RELN: variants seen among roughly 807,000 people sequenced by gnomAD.
RELN encodes reelin.
In RELN, 108 loss-of-function variants were observed where a neutral mutation model predicts 427.6. The observed-to-expected ratio is 0.25, with a 90% CI of 0.22 to 0.30. The LOEUF is 0.30. RELN is among the 10% of genes least tolerant of loss of function. RELN has a pLI of 1.00. For synonymous variants in RELN, 1,524 were observed against 1,513.4 expected (o/e 1.01, Z -0.16); for missense variants, 3,715 against 4,302.8 (o/e 0.86, Z 3.82).
intron 2 of RELN, among the ~76,000 whole-genome samples, chr7:103,890,598 T>G (rs10226733): frequency 6.6e-6 from 1 of 151,886 alleles, no homozygotes; most frequent in Admixed American, 6.6e-5. Context: ...AAAATCATCT[T>G]CCAAGAAACT....
chr7:103,820,855 CACACACACACAT>C (rs1792996171), intron 3 of RELN, among the ~76,000 whole-genome samples: 1 of 151,814 alleles, frequency 6.6e-6, no homozygotes, highest in Non-Finnish European at 1.5e-5. Context: ...CTGATAATAG[CACACACACACAT>C]ACACACACAC....
intron 53 of RELN, among the ~76,000 whole-genome samples, chr7:103,500,525 A>C (rs1828991766): frequency 6.6e-6 from 1 of 152,206 alleles, no homozygotes; most frequent in African/African-American, 2.4e-5. Context: ...TAATCCATAT[A>C]GTCTGGCTCA....
At chr7:103,789,053 G>A (rs1393465611) in intron 3 of RELN, among the ~76,000 whole-genome samples, 1 of 152,120 alleles carries the variant, frequency 6.6e-6, no homozygotes, top group East Asian at 1.9e-4. Flanking sequence ...ACAACCATCT[G>A]ATCTTTGACA....
chr7:103,558,154 T>C, intron 36 of RELN, 105 bp from the exon 37 acceptor site: 2 of 673,960 alleles, frequency 3.0e-6, no homozygotes, highest in African/African-American at 1.8e-5. Context: ...TAAATACATA[T>C]CATGATCAAG....
At chr7:103,555,605 G>A (rs897160379) in intron 38 of RELN, among the ~76,000 whole-genome samples, 2 of 152,084 alleles carry the variant, frequency 1.3e-5, no homozygotes, top group African/African-American at 2.4e-5. Context: ...CCAAGTAGCT[G>A]GGATTACAGG....
chr7:103,989,279 C>G lies in RELN; in HGVS notation c.78G>C (p.Ala26=), dbSNP rs1196068638. 10 of 1,613,260 alleles carry G rather than the reference C, an allele frequency of 6.2e-6. No homozygotes were observed. The highest frequency in any genetic ancestry group is 6.8e-6 in the Non-Finnish European group (8 of 1,179,888). ...GCGAAAAGCGGGGGTAATAGCCAGC[C>G]GCCGCGCGCGCCCTCAGCGTCGCCC... ...LLGATLRARA[A]AGYYPRFSPF... The change falls in exon 1 of 65, where the codon GCG becomes GCC. Residue 26 remains alanine, a synonymous_variant. Coordinates refer to ENST00000428762, the MANE Select transcript of RELN (RefSeq NM_005045.4). This position sits in a 1 kb window ranked among gnomAD's most constrained non-coding sequence, Gnocchi z 4.9.
intron 4 of RELN, among the ~76,000 whole-genome samples, chr7:103,757,803 G>C (rs531641676): frequency 6.6e-6 from 1 of 152,132 alleles, no homozygotes; most frequent in East Asian, 1.9e-4. Flanking sequence ...AGATAGGCTG[G>C]AGTTGTTCTG....
chr7:103,729,142 T>C (rs1355777007), intron 6 of RELN, among the ~76,000 whole-genome samples: 1 of 152,048 alleles, frequency 6.6e-6, no homozygotes, highest in African/African-American at 2.4e-5. Context: ...GAGCAATGTT[T>C]CCCCTGTCTG....
chr7:103,641,958 T>G (rs1375886076), intron 16 of RELN, among the ~76,000 whole-genome samples: 1 of 152,092 alleles, frequency 6.6e-6, no homozygotes. Flanking sequence ...AACAATAAAT[T>G]AAGACATTCC....
intron 64 of RELN, among the ~76,000 whole-genome samples, chr7:103,474,796 T>C (rs1827974714): frequency 7.1e-6 from 1 of 139,982 alleles, no homozygotes. Flanking sequence ...CTTAACTTTT[T>C]TCCTTTTATG....
At chr7:103,807,305 C>T (rs1584256273) in intron 3 of RELN, among the ~76,000 whole-genome samples, 2 of 152,118 alleles carry the variant, frequency 1.3e-5, no homozygotes, top group African/African-American at 4.8e-5. Context: ...ACCTAACACA[C>T]TAAAACACTG....
chr7:103,721,137 C>T (rs1790065540), intron 8 of RELN, among the ~76,000 whole-genome samples: 1 of 152,090 alleles, frequency 6.6e-6, no homozygotes, highest in South Asian at 2.1e-4. Context: ...AAACTGCCAC[C>T]TGAAAAGATT....
At chr7:103,552,271 C>T (rs1280035810) in intron 40 of RELN, among the ~76,000 whole-genome samples, 1 of 152,102 alleles carries the variant, frequency 6.6e-6, no homozygotes, top group Non-Finnish European at 1.5e-5. Flanking sequence ...TTTCCCCTCT[C>T]CAATTGAGAT....
chr7:103,941,220 G>C (rs541540155), intron 1 of RELN, among the ~76,000 whole-genome samples: 58 of 152,264 alleles, frequency 3.8e-4, no homozygotes, highest in African/African-American at 1.3e-3. Context: ...TCTAGAAAAA[G>C]AGAAAGATGT....
At chr7:103,697,299 G>T (rs1257890933) in intron 10 of RELN, among the ~76,000 whole-genome samples, 6 of 152,056 alleles carry the variant, frequency 3.9e-5, no homozygotes, top group African/African-American at 1.4e-4. Flanking sequence ...CAAACATTCA[G>T]CCCACAACAC....
intron 46 of RELN, among the ~76,000 whole-genome samples, chr7:103,532,353 G>A (rs12668954): frequency 0.16 from 24,166 of 151,944 alleles, 2,644 homozygotes; most frequent in South Asian, 0.3. Flanking sequence ...GCTGGGCTTA[G>A]TACCTAAGTG....
intron 4 of RELN, among the ~76,000 whole-genome samples, chr7:103,756,156 CTTTA>C (rs1252111457): frequency 1.3e-5 from 2 of 152,128 alleles, no homozygotes; most frequent in East Asian, 1.9e-4. Flanking sequence ...TTATAAAATG[CTTTA>C]CTTTAAATTG....
intron 2 of RELN, among the ~76,000 whole-genome samples, chr7:103,905,678 GAGTGAAGATGACTTCACAGGA>G (rs1437016117): frequency 5.4e-4 from 1 of 1,866 alleles, no homozygotes. Context: ...TGTGCCACAG[GAGTGAAGATGACTTCACAGGA>G]GTGAAGATGA....
chr7:103,504,955 C>A (rs796931559), intron 51 of RELN, among the ~76,000 whole-genome samples: 2 of 152,182 alleles, frequency 1.3e-5, no homozygotes, highest in African/African-American at 4.8e-5. Context: ...GTAAACAGAG[C>A]CACCCAGAAG....
Sources: allele counts gnomAD v4.1 joint callset (sites outside exome capture counted in the v4.1 genomes callset), GRCh38; gene constraint gnomAD v4.1.1; non-coding constraint Gnocchi (gnomAD v3.1); transcripts MANE v1.5; gene names NCBI Gene and HGNC (gene_info 2026-07-23, HGNC 2026-07-21).